Variants in SEMA6D observed in about 807,000 individuals in gnomAD.
SEMA6D encodes the protein semaphorin-6D.
SEMA6D carries 35 observed loss-of-function variants against 106.6 expected under a neutral mutation model. That is an observed-to-expected ratio of 0.33 (90% CI 0.25 to 0.44). The LOEUF (loss-of-function observed/expected upper bound fraction) is 0.44. Among genes scored for constraint, SEMA6D ranks in the 20% least tolerant of loss-of-function variants. SEMA6D has a pLI of 1.00. For synonymous variants in SEMA6D, 499 were observed against 487.7 expected, an observed-to-expected ratio of 1.02 and a Z score of -0.31; for missense variants, 1,185 against 1,345.9, an observed-to-expected ratio of 0.88 and a Z score of 1.87.
intron 3 of SEMA6D, among the ~76,000 whole-genome samples, chr15:47,557,346 G>A (rs1420282207): frequency 6.6e-6 from 1 of 152,148 alleles, no homozygotes; most frequent in East Asian, 1.9e-4. Flanking sequence ...AGAACCTACG[G>A]TTGTGATTTT....
At chr15:47,453,287 GA>G (rs200611689) in intron 2 of SEMA6D, among the ~76,000 whole-genome samples, 11 of 139,348 alleles carry the variant, frequency 7.9e-5, no homozygotes, top group East Asian at 2.1e-4. Flanking sequence ...GTGCCCTTTC[GA>G]AAAAAAAAAC....
intron 3 of SEMA6D, among the ~76,000 whole-genome samples, chr15:47,495,991 C>T (rs1248678775): frequency 6.6e-6 from 1 of 152,036 alleles, no homozygotes; most frequent in African/African-American, 2.4e-5. Context: ...ACACACTTTT[C>T]ACCTGGTCTC....
chr15:47,226,446 G>A (rs1172389357), intron 1 of SEMA6D, among the ~76,000 whole-genome samples: 1 of 152,064 alleles, frequency 6.6e-6, no homozygotes, highest in Admixed American at 6.6e-5. Context: ...CAACCAAGAA[G>A]GTATCTGAGT....
rs1461041308 is a variant in SEMA6D at position 47,406,694 on chromosome 15, G to A, written c.-238-5699G>A. Reference sequence around the variant, plus strand: ...GATGAGTAAGTTCTGGAGACCTAATGTACGGTATGGTGACTATCGTTATTA... The same window carrying A: ...GATGAGTAAGTTCTGGAGACCTAATATACGGTATGGTGACTATCGTTATTA... On this transcript the variant is annotated intron_variant, in intron 1 of 19. Coordinates refer to the SEMA6D transcript ENST00000558014. Among the ~76,000 whole-genome samples, 39 of 150,604 alleles carry A rather than the reference G, an allele frequency of 2.6e-4. No homozygotes were observed. In the Admixed American group the frequency reaches 2.6e-3, roughly 10 times the overall value.
At chr15:47,580,527 C>T (rs181433402) in intron 3 of SEMA6D, among the ~76,000 whole-genome samples, 1 of 152,172 alleles carries the variant, frequency 6.6e-6, no homozygotes, top group Admixed American at 6.5e-5. Context: ...ATTCTATTAC[C>T]TCTCACTCAC....
Position 47,761,101 on chromosome 15 carries a change from G to A in SEMA6D, c.283-57G>A, listed in dbSNP as rs2082038944. ...TCTGAACCTGATTAATTTTCCCACT[G>A]CCTCCCCAAAAATGTTCGCAGTTAA... On this transcript the variant is annotated intron_variant, in intron 4 of 18. Transcript: ENST00000536845. 3.7e-6 allele frequency: 6 copies of A among 1,611,280 alleles called. No homozygotes were observed. In the Admixed American group the frequency reaches 5.0e-5, roughly 13 times the overall value.
At chr15:47,238,397 C>A (rs2032691370) in intron 1 of SEMA6D, among the ~76,000 whole-genome samples, 2 of 152,070 alleles carry the variant, frequency 1.3e-5, no homozygotes, top group Non-Finnish European at 2.9e-5. Flanking sequence ...TTTGATTTGA[C>A]CCCTCACCCC....
intron 1 of SEMA6D, among the ~76,000 whole-genome samples, chr15:47,250,118 G>T (rs2033427547): frequency 6.6e-6 from 1 of 152,150 alleles, no homozygotes; most frequent in Non-Finnish European, 1.5e-5. Flanking sequence ...TAATCACTTT[G>T]TCAGATTTTT....
intron 3 of SEMA6D, among the ~76,000 whole-genome samples, chr15:47,525,668 G>T (rs2044731377): frequency 6.6e-6 from 1 of 152,100 alleles, no homozygotes; most frequent in Non-Finnish European, 1.5e-5. Flanking sequence ...GCTAGAGAGG[G>T]TTAAAAAAGG....
chr15:47,202,711 C>G (rs1894802697), intron 1 of SEMA6D, among the ~76,000 whole-genome samples: 1 of 152,192 alleles, frequency 6.6e-6, no homozygotes, highest in Admixed American at 6.6e-5. Flanking sequence ...TTAGTAAACT[C>G]ACTCCTGCTC....
chr15:47,196,281 G>A (rs114373802), intron 1 of SEMA6D, among the ~76,000 whole-genome samples: 1,536 of 152,266 alleles, frequency 0.01, 23 homozygotes, highest in African/African-American at 0.035. Context: ...AATGATTAAT[G>A]GCTCTGCCCG....
chr15:47,584,911 C>T (rs1441384462), intron 3 of SEMA6D, among the ~76,000 whole-genome samples: 1 of 152,176 alleles, frequency 6.6e-6, no homozygotes, highest in Non-Finnish European at 1.5e-5. Flanking sequence ...CTTGAAGTTT[C>T]TTTCAAGGCT....
At chr15:47,298,431 G>C (rs1261624888) in intron 1 of SEMA6D, among the ~76,000 whole-genome samples, 2 of 151,976 alleles carry the variant, frequency 1.3e-5, no homozygotes, top group East Asian at 3.9e-4. Context: ...ACAGCTTGCA[G>C]CATGAGTCTA....
chr15:47,748,794 G>GTGCT (rs2081275942), intron 1 of SEMA6D, among the ~76,000 whole-genome samples: 1 of 152,210 alleles, frequency 6.6e-6, no homozygotes. Context: ...AACCATTAAA[G>GTGCT]TGCTTTTGGA....
In SEMA6D at chr15:47,701,431, C is replaced by G. The variant is rs140645998; in HGVS notation, c.-54-58314C>G. On this transcript the variant is annotated intron_variant, in intron 4 of 19. Coordinates refer to the SEMA6D transcript ENST00000558014. Reference sequence around the variant, plus strand: ...CAGTTAGATAGGAGGAATACGTTCACTATATTTATTGTACAACATGGTGAC... The same window carrying G: ...CAGTTAGATAGGAGGAATACGTTCAGTATATTTATTGTACAACATGGTGAC... Among the ~76,000 whole-genome samples the G allele has an allele frequency of 2.8e-3, 428 of 152,200 alleles. 4 individuals carry two copies. The highest frequency in any genetic ancestry group is 0.01 in the African/African-American group (417 of 41,532).
At chr15:47,285,939 T>C (rs968757020) in intron 1 of SEMA6D, among the ~76,000 whole-genome samples, 2 of 152,240 alleles carry the variant, frequency 1.3e-5, no homozygotes, top group African/African-American at 4.8e-5. Flanking sequence ...TTGGAAGATT[T>C]TTTTTAAAAG....
At chr15:47,631,379 T>C (rs1323354151) in intron 4 of SEMA6D, among the ~76,000 whole-genome samples, 1 of 151,798 alleles carries the variant, frequency 6.6e-6, no homozygotes, top group African/African-American at 2.4e-5. Flanking sequence ...TAAAGTTATC[T>C]GCTGTACTCT....
intron 1 of SEMA6D, among the ~76,000 whole-genome samples, chr15:47,392,435 C>G (rs4356418): frequency 0.49 from 74,418 of 151,892 alleles, 21,199 homozygotes; most frequent in African/African-American, 0.8. Context: ...TTTTATAAAT[C>G]AAAGAAGGAG....
chr15:47,700,827 A>G (rs893942854), intron 4 of SEMA6D, among the ~76,000 whole-genome samples: 6 of 152,184 alleles, frequency 3.9e-5, no homozygotes, highest in African/African-American at 1.2e-4. Flanking sequence ...GAGAGCCCAG[A>G]TATTTGACAA....
Sources: gnomAD v4.1 joint callset for allele counts (sites outside exome capture counted in the v4.1 genomes callset) on GRCh38, gnomAD v4.1.1 for gene constraint, MANE v1.5 for transcripts, NCBI Gene and HGNC (gene_info 2026-07-23, HGNC 2026-07-21) for gene names.